ZNF385B: variants seen among roughly 807,000 people sequenced by gnomAD.
ZNF385B encodes zinc finger protein 533.
ZNF385B carries 23 observed loss-of-function variants against 39.2 expected under a neutral mutation model. The observed-to-expected ratio is 0.59, with a 90% CI of 0.42 to 0.83. The LOEUF is 0.83. Ranked by LOEUF, ZNF385B falls within the 40% of genes least tolerant of loss-of-function variation. The pLI is 0.00. For missense variants in ZNF385B, 552 were observed against 598.9 expected, an observed-to-expected ratio of 0.92 and a Z score of 0.82; for synonymous variants, 205 against 222.6, an observed-to-expected ratio of 0.92 and a Z score of 0.70.
At chr2:179,835,397 T>C (rs1266605125) in intron 1 of ZNF385B, among the ~76,000 whole-genome samples, 2 of 152,212 alleles carry the variant, frequency 1.3e-5, no homozygotes, top group East Asian at 3.8e-4. Context: ...ACACTTTTTA[T>C]ATGTTCTGGC....
At chr2:179,495,951 T>C (rs2056154700) in intron 5 of ZNF385B, among the ~76,000 whole-genome samples, 1 of 152,092 alleles carries the variant, frequency 6.6e-6, no homozygotes, top group Non-Finnish European at 1.5e-5. Flanking sequence ...AGAACATCTA[T>C]TAGTATCAAC....
chr2:179,554,793 A>T (rs1274192247), intron 3 of ZNF385B, among the ~76,000 whole-genome samples: 2 of 149,442 alleles, frequency 1.3e-5, no homozygotes, highest in Non-Finnish European at 1.5e-5. Context: ...TTACAACTAC[A>T]ATGAGGTATC....
At chr2:179,593,559 C>T (rs1687751177) in intron 3 of ZNF385B, among the ~76,000 whole-genome samples, 1 of 152,114 alleles carries the variant, frequency 6.6e-6, no homozygotes, top group Non-Finnish European at 1.5e-5. Flanking sequence ...TACTTAAATG[C>T]TTTAAAACAC....
intron 3 of ZNF385B, among the ~76,000 whole-genome samples, chr2:179,644,447 G>A (rs1430143648): frequency 1.3e-5 from 2 of 152,100 alleles, no homozygotes; most frequent in African/African-American, 4.8e-5. Flanking sequence ...GCTCTGCATC[G>A]AAGTTATCAA....
chr2:179,493,696 CATATAT>C (rs2055675155), intron 5 of ZNF385B, among the ~76,000 whole-genome samples: 1 of 84,002 alleles, frequency 1.2e-5, no homozygotes, highest in African/African-American at 4.4e-5. Flanking sequence ...CACATATATA[CATATAT>C]GTATACACAT....
chr2:179,731,239 T>C (rs1701369260), intron 3 of ZNF385B, among the ~76,000 whole-genome samples: 1 of 152,230 alleles, frequency 6.6e-6, no homozygotes, highest in Non-Finnish European at 1.5e-5. Flanking sequence ...CTATATTCTG[T>C]GGCATATGTA....
chr2:179,532,013 A>C (rs2059281942), intron 4 of ZNF385B, among the ~76,000 whole-genome samples: 3 of 152,208 alleles, frequency 2.0e-5, no homozygotes. Context: ...TGTAAAGTAA[A>C]ATAAAGACCT....
chr2:179,746,904 G>A (rs1702414988), intron 3 of ZNF385B, among the ~76,000 whole-genome samples: 1 of 151,848 alleles, frequency 6.6e-6, no homozygotes, highest in Admixed American at 6.6e-5. Context: ...AAACTGCAAA[G>A]CAAAAAAGAA....
At chr2:179,852,186 C>T (rs1351740487) in intron 1 of ZNF385B, among the ~76,000 whole-genome samples, 1 of 152,126 alleles carries the variant, frequency 6.6e-6, no homozygotes, top group Non-Finnish European at 1.5e-5. Context: ...GAAGGGAAGG[C>T]AGGAAGGGAC....
chr2:179,780,799 A>T (rs569889636), intron 1 of ZNF385B, among the ~76,000 whole-genome samples: 10 of 152,230 alleles, frequency 6.6e-5, no homozygotes, highest in Non-Finnish European at 1.3e-4. Flanking sequence ...TATTTGAGAA[A>T]TTTTAATTTA....
chr2:179,537,524 G>A (rs1330237948), intron 4 of ZNF385B, among the ~76,000 whole-genome samples: 1 of 151,974 alleles, frequency 6.6e-6, no homozygotes, highest in Non-Finnish European at 1.5e-5. Flanking sequence ...CGGATTGCCT[G>A]AGCTCAGGAG....
chr2:179,801,560 C>G (rs915249983), intron 1 of ZNF385B, among the ~76,000 whole-genome samples: 4 of 152,122 alleles, frequency 2.6e-5, no homozygotes, highest in African/African-American at 4.8e-5. Flanking sequence ...TTATTGTAGT[C>G]ATGTCTATCT....
At chr2:179,608,815 AC>A (rs1404323084) in intron 3 of ZNF385B, among the ~76,000 whole-genome samples, 4 of 150,940 alleles carry the variant, frequency 2.7e-5, no homozygotes, top group Non-Finnish European at 5.9e-5. Context: ...CATCACCATT[AC>A]AATGTAAGTT....
At chr2:179,757,373 A>C (rs1053204117) in intron 3 of ZNF385B, among the ~76,000 whole-genome samples, 6 of 152,094 alleles carry the variant, frequency 3.9e-5, no homozygotes, top group African/African-American at 1.4e-4. Context: ...GTCTGCCCCT[A>C]CTGGGGGGTG....
At chr2:179,531,965 T>A (rs1489956414) in intron 4 of ZNF385B, among the ~76,000 whole-genome samples, 1 of 152,230 alleles carries the variant, frequency 6.6e-6, no homozygotes, top group Non-Finnish European at 1.5e-5. Flanking sequence ...TGGTTTAAAT[T>A]TGTCTCTGCA....
rs180902163 is a variant in ZNF385B, at chr2:179,855,029, C to T, written c.-155+6072G>A. 2.4e-3 allele frequency among the ~76,000 whole-genome samples: 363 copies of T among 152,086 alleles called. 1 individual carries two copies. The highest frequency in any genetic ancestry group is 4.0e-3 in the Non-Finnish European group (275 of 67,976). ...GCATAACAATCTCGATAATCATGAT[C>T]GAGTAGCTCTGCCAGGCCCACTGGA... On this transcript the variant is annotated intron_variant, in intron 1 of 9. Coordinates refer to ENST00000410066, the MANE Select transcript of ZNF385B (RefSeq NM_152520.6).
Position 179,647,434 on chromosome 2 carries a change from C to A in ZNF385B, c.299-102465G>T, listed in dbSNP as rs1359933585. On this transcript the variant is annotated intron_variant, in intron 3 of 9. Transcript: ENST00000410066. The stretch of plus-strand genomic sequence containing the variant: ...CCTCCTACCCAACCCCGGCCATATG[C>A]CTCTATACCATACTGCTGAGTCCTG... Among the ~76,000 whole-genome samples, 3 of 152,230 alleles carry A rather than the reference C, an allele frequency of 2.0e-5. 1 individual carries two copies. Among genetic ancestry groups the A allele is most frequent in the East Asian group, 3.9e-4 (2 of 5,170 alleles).
intron 5 of ZNF385B, among the ~76,000 whole-genome samples, chr2:179,507,781 C>T (rs919703025): frequency 2.0e-4 from 30 of 152,102 alleles, no homozygotes; most frequent in African/African-American, 6.8e-4. Flanking sequence ...AGTATTTTGC[C>T]AACAACATCT....
At chr2:179,751,466 G>A (rs1702672606) in intron 3 of ZNF385B, among the ~76,000 whole-genome samples, 1 of 152,012 alleles carries the variant, frequency 6.6e-6, no homozygotes, top group Non-Finnish European at 1.5e-5. Context: ...ACATATTTGA[G>A]GATAAATTTA....
Sources: allele counts gnomAD v4.1 joint callset (sites outside exome capture counted in the v4.1 genomes callset), GRCh38; gene constraint gnomAD v4.1.1; transcripts MANE v1.5; gene names NCBI Gene and HGNC (gene_info 2026-07-23, HGNC 2026-07-21).